The following SLIT3 variants were observed in gnomAD, a reference collection of about 807,000 sequenced individuals.
SLIT3 encodes slit homolog 3 protein.
A neutral mutation model predicts 184.0 loss-of-function variants in SLIT3; 68 were observed. That is an observed-to-expected ratio of 0.37 (90% CI 0.30 to 0.45). The LOEUF (loss-of-function observed/expected upper bound fraction) is 0.45, where lower values mean the gene tolerates loss of function less well. Among genes scored for constraint, SLIT3 ranks in the 20% least tolerant of loss-of-function variants. The probability of loss-of-function intolerance (pLI) is 1.00; values close to 1 mark genes in which losing one functional copy is unlikely to be tolerated. For missense variants in SLIT3, 1,707 were observed against 2,026.0 expected, an observed-to-expected ratio of 0.84 and a Z score of 3.02; for synonymous variants, 831 against 828.6, an observed-to-expected ratio of 1.00 and a Z score of -0.05.
At chr5:169,021,516 A>C (rs1756596154) in intron 4 of SLIT3, among the ~76,000 whole-genome samples, 1 of 151,898 alleles carries the variant, frequency 6.6e-6, no homozygotes, top group African/African-American at 2.4e-5. Context: ...ATGCCTGGCT[A>C]ATTTTTGTAT....
chr5:169,104,394 C>G (rs926148106), intron 4 of SLIT3, among the ~76,000 whole-genome samples: 3 of 152,206 alleles, frequency 2.0e-5, no homozygotes, highest in Admixed American at 1.3e-4. Context: ...TTCCAATTTC[C>G]TCTTGTATAT....
intron 4 of SLIT3, among the ~76,000 whole-genome samples, chr5:169,127,378 T>G (rs1462702689): frequency 2.0e-5 from 3 of 152,188 alleles, no homozygotes; most frequent in Admixed American, 6.6e-5. Context: ...CCCATGAGGC[T>G]CCACACAAAA....
In SLIT3 at chr5:169,065,484, CTG is replaced by C. The variant is rs1758319838; in HGVS notation, c.413+127993_413+127994del. On this transcript the variant is annotated intron_variant, in intron 4 of 35. Transcript: ENST00000519560. ...GTGTTTGTAGAGTTGAGCCCACGTC[CTG>C]GTGTCCCCAGAAGTTCTATACTTGT... 2.6e-5 allele frequency among the ~76,000 whole-genome samples: 4 copies of C among 152,336 alleles called. No individual in the cohort carries two copies. The South Asian group carries it at 8.3e-4, about 32-fold the overall frequency.
At position 168,671,213 on chromosome 5, in the gene SLIT3, G is replaced by A. The variant is rs2113171459; in HGVS notation, c.4112C>T (p.Pro1371Leu). 1 of 1,608,054 alleles carries A rather than the reference G, an allele frequency of 6.2e-7. No homozygotes were observed. The highest frequency in any genetic ancestry group is 8.5e-7 in the Non-Finnish European group (1 of 1,176,084). Residue 1371 changes from proline to leucine, a missense_variant, in exon 34 of 36, where the codon CCC becomes CTC. Pro to Leu is a moderately conservative substitution (Grantham distance 98). Coordinates refer to ENST00000519560, the MANE Select transcript of SLIT3 (RefSeq NM_003062.4). Reference sequence around the variant, plus strand: ...GGACACTGACCTGTGGCCGAGGCAGGGGTCCCGGGCCTCCTGATCGCAGAG... The same window carrying A: ...GGACACTGACCTGTGGCCGAGGCAGAGGTCCCGGGCCTCCTGATCGCAGAG... ...GPLCDQEARD[P>L]CLGHRCHHGK...
intron 6 of SLIT3, among the ~76,000 whole-genome samples, chr5:168,824,185 C>T (rs950368168): frequency 1.9e-4 from 29 of 152,202 alleles, no homozygotes; most frequent in Non-Finnish European, 3.1e-4. Flanking sequence ...TGATCCACCC[C>T]GCCTTGGCCT....
rs1410263236 is a variant in SLIT3 at position 168,943,678 on chromosome 5, G to T, written c.414-60342C>A. Among the ~76,000 whole-genome samples, 3 of 152,178 alleles carry T rather than the reference G, an allele frequency of 2.0e-5. No homozygotes were observed. In the East Asian group the frequency reaches 5.8e-4, roughly 29 times the overall value. On this transcript the variant is annotated intron_variant, in intron 4 of 35. Coordinates refer to ENST00000519560, the MANE Select transcript of SLIT3 (RefSeq NM_003062.4). ...CTAGGAAGCATTATGCAAGTGCAAG[G>T]TATTATATGAGTGAACACACACTCT...
intron 32 of SLIT3, among the ~76,000 whole-genome samples, chr5:168,674,110 C>T (rs1761336372): frequency 6.6e-6 from 1 of 152,106 alleles, no homozygotes; most frequent in African/African-American, 2.4e-5. Context: ...TGCTATTGTC[C>T]CCCCTAAGGT....
chr5:169,117,711 T>C (rs295982), intron 4 of SLIT3, among the ~76,000 whole-genome samples: 52,373 of 152,040 alleles, frequency 0.34, 9,341 homozygotes, highest in East Asian at 0.57. Context: ...TTTGGAGATA[T>C]CTAACAAACT....
chr5:168,923,719 T>C (rs1210538183), intron 4 of SLIT3, among the ~76,000 whole-genome samples: 6 of 152,192 alleles, frequency 3.9e-5, no homozygotes, highest in African/African-American at 4.8e-5. Context: ...GGTTTCACCA[T>C]GTTGGGCAGG....
intron 6 of SLIT3, among the ~76,000 whole-genome samples, chr5:168,827,364 C>A (rs1363043504): frequency 6.6e-6 from 1 of 152,202 alleles, no homozygotes; most frequent in Non-Finnish European, 1.5e-5. Context: ...CTTGTAGAGA[C>A]CACCCATGCC....
intron 20 of SLIT3, among the ~76,000 whole-genome samples, chr5:168,726,989 C>T (rs190741407): frequency 5.6e-4 from 81 of 143,800 alleles, no homozygotes; most frequent in Middle Eastern, 3.6e-3. Flanking sequence ...CCAGCCTGGG[C>T]GACAAAGCAA....
At chr5:169,185,224 A>G (rs976773353) in intron 4 of SLIT3, among the ~76,000 whole-genome samples, 3 of 152,228 alleles carry the variant, frequency 2.0e-5, no homozygotes, top group Non-Finnish European at 4.4e-5. Context: ...GGCTGGCCTC[A>G]CTGCAGTGTT....
chr5:168,930,307 A>AC (rs920739393), intron 4 of SLIT3, among the ~76,000 whole-genome samples: 79 of 152,320 alleles, frequency 5.2e-4, no homozygotes, highest in African/African-American at 1.8e-3. Flanking sequence ...AGGAGAGTAA[A>AC]CCCTTGTTAA....
In SLIT3 at chr5:168,696,583, G is replaced by A. The variant is rs74777601; in HGVS notation, c.2943-152C>T. On this transcript the variant is annotated intron_variant, in intron 27 of 35. Coordinates refer to ENST00000519560, the MANE Select transcript of SLIT3 (RefSeq NM_003062.4). ...AGCACTTTGGACACATGAGGCCTTG[G>A]GGTCCTGAGCAGGAAGACCCTTAGG... 1.3e-3 allele frequency: 1,047 copies of A among 808,186 alleles called. 5 individuals are homozygous for A. In the African/African-American group the frequency reaches 0.016, roughly 13 times the overall value. 50.1% of individuals were successfully genotyped at this position (808,186 alleles called of 1,614,324 possible).
intron 4 of SLIT3, among the ~76,000 whole-genome samples, chr5:168,938,996 A>G (rs934715950): frequency 1.3e-5 from 2 of 152,196 alleles, no homozygotes; most frequent in Non-Finnish European, 2.9e-5. Flanking sequence ...AGTGGAAGGC[A>G]TGATAGAGCT....
At chr5:168,864,545 T>A (rs1759229882) in intron 5 of SLIT3, among the ~76,000 whole-genome samples, 1 of 152,208 alleles carries the variant, frequency 6.6e-6, no homozygotes. Flanking sequence ...TATTTTCAAT[T>A]TTGGTAGCTG....
At chr5:169,255,156 GATA>G (rs1437072087) in intron 1 of SLIT3, among the ~76,000 whole-genome samples, 1 of 152,202 alleles carries the variant, frequency 6.6e-6, no homozygotes, top group Non-Finnish European at 1.5e-5. Flanking sequence ...CCTAATACTT[GATA>G]ATAATAAGTG....
At chr5:168,832,999 C>A (rs902878735) in intron 6 of SLIT3, among the ~76,000 whole-genome samples, 1 of 152,222 alleles carries the variant, frequency 6.6e-6, no homozygotes, top group Middle Eastern at 3.2e-3. Context: ...TCCTTCTACA[C>A]TGCAACTCCC....
At position 169,211,833 on chromosome 5, in the gene SLIT3, G is replaced by C. The variant is rs1764276517; in HGVS notation, c.342-18283C>G. The stretch of plus-strand genomic sequence containing the variant: ...GCCCGTGTGTGATGTTCCCCTCCCT[G>C]TGTCCATGTGTTCTCATTGTTCAAC... On this transcript the variant is annotated intron_variant, in intron 3 of 35. Transcript: ENST00000519560. 1.3e-5 allele frequency among the ~76,000 whole-genome samples: 2 copies of C among 152,154 alleles called. 1 individual carries two copies. The highest frequency in any genetic ancestry group is 6.8e-3 in the Middle Eastern group (2 of 294).
Sources: allele counts gnomAD v4.1 joint callset (sites outside exome capture counted in the v4.1 genomes callset), GRCh38; gene constraint gnomAD v4.1.1; transcripts MANE v1.5; gene names NCBI Gene and HGNC (gene_info 2026-07-23, HGNC 2026-07-21).